AK8: variants seen among roughly 807,000 people sequenced by gnomAD.
AK8 encodes the protein adenylate kinase 8.
In AK8, 44 loss-of-function variants were observed where a neutral mutation model predicts 54.6. The ratio of observed to expected loss-of-function variants is 0.81; its 90% CI spans 0.63 to 1.04. The LOEUF (loss-of-function observed/expected upper bound fraction) is 1.04, where lower values mean the gene tolerates loss of function less well. AK8 is among the 50% of genes least tolerant of loss of function. The pLI is 0.00. For synonymous variants in AK8, 239 were observed against 245.6 expected (o/e 0.97, Z 0.25); for missense variants, 555 against 613.6 (o/e 0.90, Z 1.01).
rs370170121 is a variant in AK8 at position 132,793,134 on chromosome 9, A to T, written c.980-359T>A. ...AAACTGGGTGTCTGGGGAGTCTAAGATCAAGTCAGATTCAGTGCCTGGAAA... is the reference window on the plus strand; with the variant it reads ...AAACTGGGTGTCTGGGGAGTCTAAGTTCAAGTCAGATTCAGTGCCTGGAAA... On this transcript the variant is annotated intron_variant, in intron 10 of 12. Coordinates refer to ENST00000298545, the MANE Select transcript of AK8 (RefSeq NM_152572.3). Among the ~76,000 whole-genome samples the T allele has an allele frequency of 3.9e-5, 6 of 152,212 alleles. No homozygotes were observed. The East Asian group carries it at 1.2e-3, about 29-fold the overall frequency.
chr9:132,830,222 T>C (rs1175976784), intron 5 of AK8, among the ~76,000 whole-genome samples: 2 of 152,264 alleles, frequency 1.3e-5, no homozygotes, highest in Admixed American at 1.3e-4. Flanking sequence ...GTTGCTCATA[T>C]TGCTCAGTTT....
chr9:132,727,647 G>T (rs750904956), intron 11 of AK8, 113 bp from the exon 12 acceptor site: 1 of 976,080 alleles, frequency 1.0e-6, no homozygotes, highest in Non-Finnish European at 1.6e-6. Context: ...AGGGCTGGCC[G>T]ATTCCTAGAG....
chr9:132,833,839 T>C (rs1842208634), intron 5 of AK8, among the ~76,000 whole-genome samples: 1 of 152,244 alleles, frequency 6.6e-6, no homozygotes, highest in Admixed American at 6.5e-5. Flanking sequence ...TCTTTTGCCC[T>C]CCTGACTATT....
Position 132,799,499 on chromosome 9 carries a change from C to A in AK8, c.980-6724G>T. On this transcript the variant is annotated intron_variant, in intron 10 of 12. Transcript: ENST00000298545. The surrounding 1 kb of genome is among the most constrained non-coding windows in gnomAD (Gnocchi z 5.0). ...CTCCATGCACACTCATAAACGCCCCCACACACTACATACATGTCTACACAC... is the reference window on the plus strand; with the variant it reads ...CTCCATGCACACTCATAAACGCCCCAACACACTACATACATGTCTACACAC... Among the ~76,000 whole-genome samples the A allele has an allele frequency of 6.6e-6, 1 of 151,958 alleles. No homozygotes were observed. Among genetic ancestry groups the A allele is most frequent in the East Asian group, 1.9e-4 (1 of 5,182 alleles).
At chr9:132,828,821 A>G (rs1841987672) in intron 5 of AK8, 95 bp from the exon 6 acceptor site, 1 of 932,406 alleles carries the variant, frequency 1.1e-6, no homozygotes, top group South Asian at 2.5e-5. Flanking sequence ...TAGAAAGACT[A>G]GAACTTTTAA....
At chr9:132,793,336 T>C (rs1840026254) in intron 10 of AK8, among the ~76,000 whole-genome samples, 1 of 152,200 alleles carries the variant, frequency 6.6e-6, no homozygotes, top group Non-Finnish European at 1.5e-5. Context: ...TCTTGGGGAT[T>C]AGATTTTAAC....
chr9:132,755,280 G>T (rs1308117797), intron 11 of AK8, among the ~76,000 whole-genome samples: 1 of 152,148 alleles, frequency 6.6e-6, no homozygotes, highest in Non-Finnish European at 1.5e-5. Context: ...CCGCTTTCTT[G>T]CCTATGGTAT....
chr9:132,789,259 A>T (rs1839845334), intron 11 of AK8, among the ~76,000 whole-genome samples: 1 of 151,492 alleles, frequency 6.6e-6, no homozygotes, highest in East Asian at 1.9e-4. Flanking sequence ...CGCGCCATGC[A>T]CTCCAGCCTG....
intron 9 of AK8, among the ~76,000 whole-genome samples, chr9:132,820,212 TA>T (rs36016329): frequency 4.8e-3 from 653 of 136,226 alleles, no homozygotes; most frequent in East Asian, 0.017. Context: ...ATGCTCACTG[TA>T]AAAAAAAAAA....
At chr9:132,793,916 C>T (rs371944611) in intron 10 of AK8, among the ~76,000 whole-genome samples, 2 of 152,304 alleles carry the variant, frequency 1.3e-5, no homozygotes, top group South Asian at 4.1e-4. Flanking sequence ...ACCCTCCTAC[C>T]GACTGCCCGG....
In AK8 at chr9:132,792,709, C is replaced by G. The variant is rs1839994892; in HGVS notation, c.1046G>C (p.Gly349Ala). The G allele has an allele frequency of 6.4e-7, 1 of 1,557,344 alleles. No homozygotes were observed. Residue 349 changes from glycine (G) to alanine (A), a missense_variant, in exon 11 of 13, where the codon GGC (glycine) becomes GCC (alanine). Gly to Ala is a moderately conservative substitution (Grantham distance 60). Coordinates refer to ENST00000298545, the MANE Select transcript of AK8 (RefSeq NM_152572.3). ...RLDQQDCIQK[G>A]WVLHGVPRDL... ...CCGCGGGACGCCGTGTAGCACCCAG[C>G]CTTTCTGGATGCAGTCCTGCTGGTC...
At position 132,878,070 on chromosome 9, in the gene AK8, C is replaced by T. The variant is rs1314769176; in HGVS notation, c.84+102G>A. On this transcript the variant is annotated intron_variant, in intron 1 of 12. Transcript: ENST00000298545. The surrounding 1 kb of genome is among the most constrained non-coding windows in gnomAD (Gnocchi z 4.7). ...CCCGAGTTGGGCTGCTTCGTGGGCG[C>T]GCGACTCGGCCCCAGCTGCGGGTCC... is the stretch of plus-strand genomic sequence containing the variant. The T allele has an allele frequency of 2.6e-6, 4 of 1,536,188 alleles. No homozygotes were observed. The highest frequency in any genetic ancestry group is 3.5e-6 in the Non-Finnish European group (4 of 1,136,448).
At chr9:132,825,148 T>C (rs1841821174) in intron 8 of AK8, among the ~76,000 whole-genome samples, 1 of 152,194 alleles carries the variant, frequency 6.6e-6, no homozygotes, top group Non-Finnish European at 1.5e-5. Context: ...TGATGCTTAA[T>C]TTACAGTAAA....
At chr9:132,802,132 C>A (rs1003508518) in intron 10 of AK8, among the ~76,000 whole-genome samples, 3 of 152,238 alleles carry the variant, frequency 2.0e-5, no homozygotes, top group Admixed American at 6.5e-5. Context: ...TATTGGTAGG[C>A]CCCTGTGTGG....
intron 11 of AK8, among the ~76,000 whole-genome samples, chr9:132,742,761 C>T (rs1287043458): frequency 6.6e-6 from 1 of 152,236 alleles, no homozygotes; most frequent in Non-Finnish European, 1.5e-5. Flanking sequence ...TATGTAATAA[C>T]AACACAGAAC....
At chr9:132,752,588 G>A (rs1837986741) in intron 11 of AK8, among the ~76,000 whole-genome samples, 1 of 152,136 alleles carries the variant, frequency 6.6e-6, no homozygotes, top group African/African-American at 2.4e-5. Context: ...GATGCCCTGT[G>A]TAATCAAATG....
At chr9:132,838,559 C>G (rs932285010) in intron 5 of AK8, among the ~76,000 whole-genome samples, 6 of 152,214 alleles carry the variant, frequency 3.9e-5, no homozygotes, top group African/African-American at 9.6e-5. Context: ...GGTGTTGCAT[C>G]TGATGATGGC....
intron 10 of AK8, among the ~76,000 whole-genome samples, chr9:132,797,216 TC>T (rs1333918496): frequency 1.3e-5 from 2 of 148,622 alleles, no homozygotes. Context: ...AAAGCAGGGA[TC>T]CCCCCAGTAG....
rs377018248 is a variant in AK8, at chr9:132,818,906, A to G, written c.890-4179T>C. 2.6e-5 allele frequency among the ~76,000 whole-genome samples: 4 copies of G among 152,314 alleles called. No homozygotes were observed. In the East Asian group the frequency reaches 7.7e-4, roughly 29 times the overall value. On this transcript the variant is annotated intron_variant, in intron 9 of 12. Coordinates refer to ENST00000298545, the MANE Select transcript of AK8 (RefSeq NM_152572.3). ...TGTTTACAAGACACATAGTTAGACT[A>G]TAAGACACAGATAGTTTAAAAGAAA...
Sources: gnomAD v4.1 joint callset for allele counts (sites outside exome capture counted in the v4.1 genomes callset) on GRCh38, gnomAD v4.1.1 for gene constraint, Gnocchi (gnomAD v3.1) non-coding constraint, MANE v1.5 for transcripts, NCBI Gene and HGNC (gene_info 2026-07-23, HGNC 2026-07-21) for gene names.